Variants in ZBTB48 observed in about 807,000 individuals in gnomAD.
The protein encoded by ZBTB48 is zinc finger and BTB domain-containing protein 48.
A neutral mutation model predicts 64.5 loss-of-function variants in ZBTB48; 35 were observed. The ratio of observed to expected loss-of-function variants is 0.54; its 90% CI spans 0.41 to 0.72. ZBTB48 has a LOEUF of 0.72. Among genes scored for constraint, ZBTB48 ranks in the 30% least tolerant of loss-of-function variants. The pLI is 0.00. For missense variants in ZBTB48, 828 were observed against 895.3 expected (o/e 0.92, Z 0.96); for synonymous variants, 442 against 356.7 (o/e 1.24, Z -2.70).
chr1:6,587,140 A>C (rs1432285576), intron 5 of ZBTB48, 65 bp from the exon 6 acceptor site: 2 of 1,556,648 alleles, frequency 1.3e-6, no homozygotes, highest in Non-Finnish European at 1.8e-6. Context: ...CTATAGCCCA[A>C]GGGTGGGTGG....
chr1:6,582,101 A>G lies in ZBTB48; in HGVS notation c.734A>G (p.Tyr245Cys), dbSNP rs1174294960. Reference sequence around the variant, plus strand: ...GTGGAGGATGATGGGGATGGCGATTACATGTCTGAGCCTGAGGCTGTGCTG... The same window carrying G: ...GTGGAGGATGATGGGGATGGCGATTGCATGTCTGAGCCTGAGGCTGTGCTG... ...VQVEDDGDGDYMSEPEAVLTR... is the reference protein window; with the variant it reads ...VQVEDDGDGDCMSEPEAVLTR... The change falls in exon 3 of 11, where the codon TAC becomes TGC. Residue 245 changes from tyrosine to cysteine, a missense_variant. Transcript: ENST00000377674. The G allele has an allele frequency of 6.2e-7, 1 of 1,614,038 alleles. No homozygotes were observed. Among genetic ancestry groups the G allele is most frequent in the African/African-American group, 1.3e-5 (1 of 74,906 alleles).
chr1:6,585,950 C>T lies in ZBTB48; in HGVS notation c.964C>T (p.Pro322Ser), dbSNP rs1360854400. ...TACTGGGGAGAAACCCTTTGAGTGT[C>T]CCAAATGTGGGAAGTGTTACTTTCG... ...KHTGEKPFEC[P>S]KCGKCYFRKE... The change falls in exon 4 of 11, where the codon CCC (proline) becomes TCC (serine). Residue 322 changes from proline to serine, a missense_variant. Coordinates refer to ENST00000377674, the MANE Select transcript of ZBTB48 (RefSeq NM_005341.4). 2 of 1,614,112 alleles carry T rather than the reference C, an allele frequency of 1.2e-6. No homozygotes were observed. Among genetic ancestry groups the T allele is most frequent in the Admixed American group, 1.7e-5 (1 of 60,026 alleles).
In ZBTB48 at chr1:6,586,018, C is replaced by T; in HGVS notation, c.1032C>T (p.Asn344=). The T allele has an allele frequency of 6.2e-7, 1 of 1,614,126 alleles. No individual in the cohort carries two copies. The highest frequency in any genetic ancestry group is 8.5e-7 in the Non-Finnish European group (1 of 1,179,970). The change falls in exon 4 of 11, where the codon AAC becomes AAT. Residue 344 remains asparagine, a synonymous_variant. Transcript: ENST00000377674. ...AGCATGAAGCCCGGAATTGCATGAACCGCTCGGAACAGGTACTTGGGAGCT... is the reference window on the plus strand; with the variant it reads ...AGCATGAAGCCCGGAATTGCATGAATCGCTCGGAACAGGTACTTGGGAGCT... ...LLEHEARNCM[N]RSEQVFTCSV...
chr1:6,587,915 G>C (rs983974179), intron 7 of ZBTB48, 145 bp from the exon 8 acceptor site: 7 of 1,224,844 alleles, frequency 5.7e-6, no homozygotes, highest in African/African-American at 1.5e-5. Context: ...CTCATAGATT[G>C]TCCTTCTGCT....
chr1:6,586,570 AC>A, intron 4 of ZBTB48, 124 bp from the exon 5 acceptor site: 2 of 1,129,392 alleles, frequency 1.8e-6, no homozygotes, highest in South Asian at 1.6e-5. Flanking sequence ...GCCCTCTCCC[AC>A]CCTAGCGTCC....
intron 3 of ZBTB48, chr1:6,585,486 G>C (rs189225542): frequency 1.0e-5 from 2 of 191,612 alleles, no homozygotes; most frequent in African/African-American, 4.6e-5. Context: ...GTCACGGAGC[G>C]GGGAGACCAG....
At position 6,589,023 on chromosome 1, in the gene ZBTB48, G is replaced by A; in HGVS notation, c.1878G>A (p.Val626=). ...LIIEDEKMVV[V]ALQPPAELEV... is the part of the protein sequence containing the mutation. ...TCGAGGACGAGAAGATGGTGGTGGT[G>A]GCGCTGCAGCCGCCTGCAGAGCTGG... Residue 626 remains valine, a synonymous_variant, in exon 11 of 11, where the codon GTG becomes GTA. Coordinates refer to ENST00000377674, the MANE Select transcript of ZBTB48 (RefSeq NM_005341.4). 2.5e-6 allele frequency: 4 copies of A among 1,597,244 alleles called. No homozygotes were observed. The highest frequency in any genetic ancestry group is 3.4e-6 in the Non-Finnish European group (4 of 1,170,482).
chr1:6,587,659 G>T, intron 7 of ZBTB48, 27 bp downstream of exon 7: 1 of 1,610,142 alleles, frequency 6.2e-7, no homozygotes, highest in Non-Finnish European at 8.5e-7. Flanking sequence ...CTCTCTTGGG[G>T]CCCAGTCCTG....
intron 7 of ZBTB48, 83 bp from the exon 8 acceptor site, chr1:6,587,977 A>T (rs1640737435): frequency 7.0e-6 from 11 of 1,562,884 alleles, no homozygotes; most frequent in South Asian, 1.2e-5. Flanking sequence ...CCCTCTTTCC[A>T]CCAGGCATGC....
Position 6,580,587 on chromosome 1 carries a change from T to A in ZBTB48, c.-23T>A. On this transcript the variant is annotated 5_prime_UTR_variant, in exon 2 of 11. Transcript: ENST00000377674. This position sits in a 1 kb window ranked among gnomAD's most constrained non-coding sequence, Gnocchi z 5.2. Reference sequence around the variant, plus strand: ...CGCTTAGGCTGGCCGGGGTGTCACTTCTGCCTCCCTGCCCTCCAGACCATG... The same window carrying A: ...CGCTTAGGCTGGCCGGGGTGTCACTACTGCCTCCCTGCCCTCCAGACCATG... 1 of 1,594,462 alleles carries A rather than the reference T, an allele frequency of 6.3e-7. No individual in the cohort carries two copies. The highest frequency in any genetic ancestry group is 2.0e-4 in the Middle Eastern group (1 of 5,100).
Position 6,586,795 on chromosome 1 carries a change from T to G in ZBTB48, c.1137+8T>G. On this transcript the variant is annotated splice_region_variant and intron_variant, in intron 5 of 10. Coordinates refer to ENST00000377674, the MANE Select transcript of ZBTB48 (RefSeq NM_005341.4). ...GGGGAGATGCCCTACAAGGTCAGGC[T>G]TGGCCTGTCTCCAGGGCCAGGGTTG... 1.2e-6 allele frequency: 2 copies of G among 1,608,902 alleles called. No individual in the cohort carries two copies. The highest frequency in any genetic ancestry group is 1.7e-6 in the Non-Finnish European group (2 of 1,177,782).
chr1:6,583,387 G>A (rs1163564547), intron 3 of ZBTB48, among the ~76,000 whole-genome samples: 1 of 152,038 alleles, frequency 6.6e-6, no homozygotes, highest in Non-Finnish European at 1.5e-5. Flanking sequence ...TGCAACCTCC[G>A]CCTCCTGGGT....
intron 2 of ZBTB48, 28 bp from the exon 3 acceptor site, chr1:6,582,029 AC>A: frequency 6.2e-7 from 1 of 1,606,072 alleles, no homozygotes; most frequent in Non-Finnish European, 8.5e-7. Context: ...TGGTGACGCC[AC>A]CCCCTCCTGC....
intron 7 of ZBTB48, 53 bp downstream of exon 7, chr1:6,587,685 T>G: frequency 1.2e-6 from 2 of 1,603,760 alleles, no homozygotes; most frequent in African/African-American, 2.7e-5. Flanking sequence ...AGCCCAGGCT[T>G]GCACCGGCAG....
At position 6,587,621 on chromosome 1, in the gene ZBTB48, G is replaced by A. The variant is rs1221473702; in HGVS notation, c.1368G>A (p.Lys456=). ...GGAATGGCCTGCAGATGCACATCAA[G>A]GCCAAGCACAGGTGCGTGTCGCCCG... is the stretch of plus-strand genomic sequence containing the variant. ...SSRNGLQMHI[K]AKHRNERPHV... The change falls in exon 7 of 11, where the codon AAG becomes AAA. Residue 456 remains lysine, a synonymous_variant. Coordinates refer to ENST00000377674, the MANE Select transcript of ZBTB48 (RefSeq NM_005341.4). The A allele has an allele frequency of 6.2e-7, 1 of 1,613,224 alleles. No homozygotes were observed. Among genetic ancestry groups the A allele is most frequent in the South Asian group, 1.1e-5 (1 of 91,038 alleles).
Position 6,584,617 on chromosome 1 carries a change from C to T in ZBTB48, c.933-1302C>T, listed in dbSNP as rs902922921. ...TGGAATGCTGGGATAACCCCAGTGT[C>T]GGGGGTCCTGGGGCAGCCTGTGTAC... On this transcript the variant is annotated intron_variant, in intron 3 of 10. Coordinates refer to ENST00000377674, the MANE Select transcript of ZBTB48 (RefSeq NM_005341.4). The surrounding 1 kb of genome is among the most constrained non-coding windows in gnomAD (Gnocchi z 4.5). 1.3e-5 allele frequency among the ~76,000 whole-genome samples: 2 copies of T among 152,202 alleles called. No individual in the cohort carries two copies. The highest frequency in any genetic ancestry group is 2.4e-5 in the African/African-American group (1 of 41,448).
In ZBTB48 at chr1:6,588,598, G is replaced by A; in HGVS notation, c.1681+156G>A. On this transcript the variant is annotated intron_variant, in intron 9 of 10. Coordinates refer to ENST00000377674, the MANE Select transcript of ZBTB48 (RefSeq NM_005341.4). ...TTTGAAGGCAGGGGTGTCCTGTGCAGTAGTGACCCTGGGTGGCACTGGAGA... is the reference window on the plus strand; with the variant it reads ...TTTGAAGGCAGGGGTGTCCTGTGCAATAGTGACCCTGGGTGGCACTGGAGA... The A allele has an allele frequency of 3.5e-6, 5 of 1,443,530 alleles. No homozygotes were observed. The South Asian group carries it at 5.5e-5, about 16-fold the overall frequency. 89.4% of individuals were successfully genotyped at this position (1,443,530 alleles called of 1,614,324 possible).
intron 3 of ZBTB48, 24 bp downstream of exon 3, chr1:6,582,323 T>C (rs1640501633): frequency 1.2e-6 from 2 of 1,600,022 alleles, no homozygotes; most frequent in East Asian, 2.2e-5. Context: ...TTTTCTATTT[T>C]CTTTTCCTGT....
intron 3 of ZBTB48, 140 bp downstream of exon 3, chr1:6,582,439 C>A: frequency 8.6e-7 from 1 of 1,158,012 alleles, no homozygotes; most frequent in Non-Finnish European, 1.2e-6. Context: ...CTTGGTACAC[C>A]TCTGATAATC....
Sources: allele counts gnomAD v4.1 joint callset (sites outside exome capture counted in the v4.1 genomes callset), GRCh38; gene constraint gnomAD v4.1.1; non-coding constraint Gnocchi (gnomAD v3.1); transcripts MANE v1.5; gene names NCBI Gene and HGNC (gene_info 2026-07-23, HGNC 2026-07-21).